CNTN5: variants seen among roughly 807,000 people sequenced by gnomAD.
CNTN5 encodes contactin 5, also known as contactin-5.
A neutral mutation model predicts 129.1 loss-of-function variants in CNTN5; 77 were observed. That is an observed-to-expected ratio of 0.60 (90% CI 0.50 to 0.72). CNTN5 has a LOEUF of 0.72. CNTN5 is among the 30% of genes least tolerant of loss of function. The pLI, the probability that CNTN5 is intolerant of heterozygous loss-of-function variation, is 0.00. For synonymous variants in CNTN5, 509 were observed against 465.6 expected (o/e 1.09, Z -1.20); for missense variants, 1,478 against 1,328.8 (o/e 1.11, Z -1.75).
At chr11:99,924,006 G>A (rs1346943214) in intron 7 of CNTN5, among the ~76,000 whole-genome samples, 4 of 152,162 alleles carry the variant, frequency 2.6e-5, no homozygotes, top group African/African-American at 9.7e-5. Flanking sequence ...TGGCCACGAT[G>A]GCCTCAATCT....
At chr11:99,106,037 C>A (rs188746858) in intron 1 of CNTN5, among the ~76,000 whole-genome samples, 1 of 152,166 alleles carries the variant, frequency 6.6e-6, no homozygotes, top group Non-Finnish European at 1.5e-5. Flanking sequence ...TATCTGCAAA[C>A]TTCATGGTCT....
At chr11:99,967,738 C>G (rs574896840) in intron 8 of CNTN5, among the ~76,000 whole-genome samples, 271 of 152,222 alleles carry the variant, frequency 1.8e-3, no homozygotes, top group African/African-American at 6.1e-3. Context: ...ATTTCTTCCT[C>G]AAACACCTGT....
rs572739968 is a variant in CNTN5 at position 99,716,410 on chromosome 11, T to C, written c.56-103134T>C. Among the ~76,000 whole-genome samples, 5 of 152,182 alleles carry C rather than the reference T, an allele frequency of 3.3e-5. No individual in the cohort carries two copies. In the South Asian group the frequency reaches 1.0e-3, roughly 32 times the overall value. On this transcript the variant is annotated intron_variant, in intron 3 of 24. Coordinates refer to ENST00000524871, the MANE Select transcript of CNTN5 (RefSeq NM_014361.4). ...TTCTAGCTTCTTCTTTGTCTCCTACTCCTCTGCTACTCCTCAGTATCCTGA... is the reference window on the plus strand; with the variant it reads ...TTCTAGCTTCTTCTTTGTCTCCTACCCCTCTGCTACTCCTCAGTATCCTGA...
intron 13 of CNTN5, among the ~76,000 whole-genome samples, chr11:100,082,906 G>A (rs546681890): frequency 7.9e-5 from 12 of 152,196 alleles, no homozygotes; most frequent in African/African-American, 2.9e-4. Flanking sequence ...CAGTTCTACA[G>A]GCCATACAGG....
intron 13 of CNTN5, among the ~76,000 whole-genome samples, chr11:100,137,788 T>C (rs1339963685): frequency 1.3e-5 from 2 of 152,132 alleles, no homozygotes; most frequent in South Asian, 2.1e-4. Context: ...TTATAAAAAG[T>C]ACTTTAACAA....
chr11:99,832,558 A>G (rs925376379), intron 4 of CNTN5, among the ~76,000 whole-genome samples: 3 of 152,232 alleles, frequency 2.0e-5, no homozygotes, highest in African/African-American at 7.2e-5. Context: ...TATAGTTTAT[A>G]CTTGTTTAAG....
At chr11:99,976,804 C>T (rs1426551781) in intron 8 of CNTN5, among the ~76,000 whole-genome samples, 1 of 152,242 alleles carries the variant, frequency 6.6e-6, no homozygotes, top group Non-Finnish European at 1.5e-5. Flanking sequence ...GCCCTGGAAA[C>T]ACTTTCCACA....
At chr11:99,523,438 C>T (rs568654444) in intron 2 of CNTN5, among the ~76,000 whole-genome samples, 2 of 151,936 alleles carry the variant, frequency 1.3e-5, no homozygotes, top group African/African-American at 4.8e-5. Context: ...CTACAAAAAA[C>T]ACAAAAATTA....
intron 2 of CNTN5, among the ~76,000 whole-genome samples, chr11:99,328,690 G>C (rs1159241033): frequency 6.6e-6 from 1 of 151,718 alleles, no homozygotes; most frequent in African/African-American, 2.4e-5. Context: ...GACCAACATG[G>C]AGAAACCCCG....
At chr11:99,965,923 A>G (rs190460179) in intron 8 of CNTN5, among the ~76,000 whole-genome samples, 135 of 152,304 alleles carry the variant, frequency 8.9e-4, no homozygotes, top group Non-Finnish European at 1.2e-3. Flanking sequence ...TCCTAAGTAG[A>G]TGGCACATAT....
intron 1 of CNTN5, among the ~76,000 whole-genome samples, chr11:99,244,254 C>T (rs901610766): frequency 1.3e-5 from 2 of 152,244 alleles, no homozygotes; most frequent in South Asian, 4.1e-4. Flanking sequence ...TGCCTCTAAG[C>T]TTGAGTGTCA....
intron 3 of CNTN5, among the ~76,000 whole-genome samples, chr11:99,615,293 TCTAAA>T (rs1385349876): frequency 6.6e-6 from 1 of 152,044 alleles, no homozygotes; most frequent in Non-Finnish European, 1.5e-5. Context: ...TTTGGACTTC[TCTAAA>T]CTGACTATTT....
At chr11:99,030,447 G>A (rs1368647923) in intron 1 of CNTN5, among the ~76,000 whole-genome samples, 1 of 151,962 alleles carries the variant, frequency 6.6e-6, no homozygotes, top group African/African-American at 2.4e-5. Flanking sequence ...TTATTTTAAT[G>A]ACCTTATTTT....
intron 1 of CNTN5, among the ~76,000 whole-genome samples, chr11:99,189,454 C>A (rs1858520971): frequency 1.3e-5 from 2 of 151,426 alleles, no homozygotes; most frequent in African/African-American, 2.4e-5. Flanking sequence ...ATTTGAAGAA[C>A]CTCTGTGTAG....
chr11:99,133,772 G>A (rs113054291), intron 1 of CNTN5, among the ~76,000 whole-genome samples: 148 of 152,286 alleles, frequency 9.7e-4, no homozygotes, highest in Non-Finnish European at 1.8e-3. Flanking sequence ...TGCTGGTGAG[G>A]TCGTGGAGAA....
At chr11:99,892,830 T>G (rs917804359) in intron 6 of CNTN5, among the ~76,000 whole-genome samples, 3 of 152,188 alleles carry the variant, frequency 2.0e-5, no homozygotes, top group African/African-American at 4.8e-5. Flanking sequence ...TGGTTCCATA[T>G]GAAGTTTAAA....
At chr11:99,490,743 C>T (rs780146807) in intron 2 of CNTN5, among the ~76,000 whole-genome samples, 1 of 152,086 alleles carries the variant, frequency 6.6e-6, no homozygotes, top group Non-Finnish European at 1.5e-5. Flanking sequence ...ATGGGATGGC[C>T]ACCATGTGGT....
At chr11:99,289,608 T>C (rs1041224936) in intron 1 of CNTN5, among the ~76,000 whole-genome samples, 2 of 151,830 alleles carry the variant, frequency 1.3e-5, no homozygotes, top group South Asian at 2.1e-4. Context: ...ATTATGACCA[T>C]TCTACTTTGA....
At chr11:99,942,691 C>T (rs923189552) in intron 7 of CNTN5, among the ~76,000 whole-genome samples, 6 of 151,916 alleles carry the variant, frequency 3.9e-5, no homozygotes, top group African/African-American at 1.2e-4. Flanking sequence ...TCCACAACCC[C>T]GACAGGCCCC....
Sources: gnomAD v4.1 joint callset for allele counts (sites outside exome capture counted in the v4.1 genomes callset) on GRCh38, gnomAD v4.1.1 for gene constraint, MANE v1.5 for transcripts, NCBI Gene and HGNC (gene_info 2026-07-23, HGNC 2026-07-21) for gene names.